The following MAK variants were observed in gnomAD, a reference collection of about 807,000 sequenced individuals.
The protein encoded by MAK is serine/threonine-protein kinase MAK.
A neutral mutation model predicts 82.6 loss-of-function variants in MAK; 65 were observed. The observed-to-expected ratio is 0.79, with a 90% CI of 0.64 to 0.97. MAK has a LOEUF of 0.97. MAK is among the 50% of genes least tolerant of loss of function. The pLI is 0.00. For synonymous variants in MAK, 250 were observed against 274.2 expected, an observed-to-expected ratio of 0.91 and a Z score of 0.87; for missense variants, 703 against 780.2, an observed-to-expected ratio of 0.90 and a Z score of 1.18.
intron 14 of MAK, among the ~76,000 whole-genome samples, chr6:10,766,252 T>C (rs1003135225): frequency 6.6e-6 from 1 of 152,234 alleles, no homozygotes; most frequent in Non-Finnish European, 1.5e-5. Flanking sequence ...GTTTGCACAG[T>C]TTTTCTTAAA....
intron 11 of MAK, among the ~76,000 whole-genome samples, chr6:10,777,022 T>C (rs1292543998): frequency 1.3e-5 from 2 of 150,588 alleles, no homozygotes; most frequent in Admixed American, 1.3e-4. Context: ...CACTCTAGCC[T>C]GGGCAACAGA....
intron 2 of MAK, among the ~76,000 whole-genome samples, chr6:10,826,873 A>T (rs1190352539): frequency 6.6e-6 from 1 of 152,154 alleles, no homozygotes; most frequent in Non-Finnish European, 1.5e-5. Flanking sequence ...GCACTTTGGG[A>T]GGCTGAGACT....
intron 1 of MAK, among the ~76,000 whole-genome samples, 172 bp from the exon 2 acceptor site, chr6:10,831,049 G>T (rs1208123790): frequency 6.6e-6 from 1 of 152,082 alleles, no homozygotes; most frequent in African/African-American, 2.4e-5. Flanking sequence ...TAACTCACTG[G>T]TAATACTCAC....
chr6:10,830,875 A>G lies in MAK; in HGVS notation c.-227T>C. On this transcript the variant is annotated splice_region_variant and 5_prime_UTR_variant, in exon 2 of 15. Coordinates refer to ENST00000354489, the MANE Select transcript of MAK (RefSeq NM_001242957.3). Reference sequence around the variant, plus strand: ...AAACAACACTTCCATTCTTATAAACACCCTAAAGAAAGAAAACAAGGATAT... The same window carrying G: ...AAACAACACTTCCATTCTTATAAACGCCCTAAAGAAAGAAAACAAGGATAT... The G allele has an allele frequency of 1.9e-6, 1 of 519,216 alleles. No individual in the cohort carries two copies. The highest frequency in any genetic ancestry group is 2.1e-5 in the South Asian group (1 of 46,886). The allele number at this position is 519,216 out of a possible 1,614,324, so 32.2% of individuals were successfully genotyped here. A position where few individuals can be genotyped will look rare whatever the true frequency, so the allele number is the denominator to read the frequency against.
At chr6:10,820,776 C>T (rs1777886498) in intron 2 of MAK, among the ~76,000 whole-genome samples, 2 of 152,108 alleles carry the variant, frequency 1.3e-5, no homozygotes, top group African/African-American at 2.4e-5. Context: ...AGATACTTTT[C>T]AGTGCCATAG....
At chr6:10,790,910 A>G (rs981563370) in intron 10 of MAK, among the ~76,000 whole-genome samples, 1 of 152,176 alleles carries the variant, frequency 6.6e-6, no homozygotes, top group African/African-American at 2.4e-5. Context: ...TTCATGCAAG[A>G]CTTGATCGTT....
Position 10,776,918 on chromosome 6 carries a change from C to G in MAK, c.1466-1459G>C, listed in dbSNP as rs1454998654. On this transcript the variant is annotated intron_variant, in intron 11 of 14. Coordinates refer to ENST00000354489, the MANE Select transcript of MAK (RefSeq NM_001242957.3). The surrounding 1 kb of genome is among the most constrained non-coding windows in gnomAD (Gnocchi z 4.3). ...TGGCCAACATAGTGAAACCCCATCT[C>G]TACTAAAAACACAAAAATTAGCCAG... Among the ~76,000 whole-genome samples the G allele has an allele frequency of 2.6e-5, 4 of 151,578 alleles. No homozygotes were observed. Among genetic ancestry groups the G allele is most frequent in the African/African-American group, 9.7e-5 (4 of 41,226 alleles).
At chr6:10,817,317 G>A (rs1301368978) in intron 4 of MAK, among the ~76,000 whole-genome samples, 1 of 152,120 alleles carries the variant, frequency 6.6e-6, no homozygotes, top group East Asian at 1.9e-4. Flanking sequence ...AGCCCAGGGC[G>A]GAAGACCAAA....
intron 10 of MAK, among the ~76,000 whole-genome samples, chr6:10,790,249 G>C (rs1472756311): frequency 6.6e-6 from 1 of 152,042 alleles, no homozygotes; most frequent in South Asian, 2.1e-4. Flanking sequence ...TTGCATAAGA[G>C]TTATCCAAGC....
intron 4 of MAK, among the ~76,000 whole-genome samples, chr6:10,814,719 G>C (rs962520759): frequency 4.6e-5 from 7 of 151,484 alleles, no homozygotes. Flanking sequence ...AAATGCTTCA[G>C]TTCTATTCTG....
At chr6:10,824,833 C>T (rs1778239971) in intron 2 of MAK, among the ~76,000 whole-genome samples, 1 of 152,216 alleles carries the variant, frequency 6.6e-6, no homozygotes, top group Non-Finnish European at 1.5e-5. Flanking sequence ...CACTATTCCA[C>T]TGGAACAGTG....
intron 11 of MAK, among the ~76,000 whole-genome samples, chr6:10,780,796 A>C (rs770114234): frequency 3.3e-5 from 5 of 152,204 alleles, no homozygotes; most frequent in African/African-American, 9.6e-5. Flanking sequence ...AGTGAAAACT[A>C]TCTCTCATGA....
chr6:10,821,673 G>T (rs1054396343), intron 2 of MAK, among the ~76,000 whole-genome samples: 6 of 152,270 alleles, frequency 3.9e-5, no homozygotes, highest in African/African-American at 1.4e-4. Flanking sequence ...CATTCTACCT[G>T]TAAAATCTGC....
intron 12 of MAK, among the ~76,000 whole-genome samples, chr6:10,773,501 C>CTACTCACT (rs1773194170): frequency 6.6e-6 from 1 of 152,120 alleles, no homozygotes; most frequent in Non-Finnish European, 1.5e-5. Flanking sequence ...TCTCACTAAA[C>CTACTCACT]TACTCACTTA....
At chr6:10,834,801 A>G (rs1779046880) in intron 1 of MAK, among the ~76,000 whole-genome samples, 1 of 151,986 alleles carries the variant, frequency 6.6e-6, no homozygotes, top group African/African-American at 2.4e-5. Flanking sequence ...TATTATTATT[A>G]TTGTTTGAGA....
intron 8 of MAK, 139 bp from the exon 9 acceptor site, chr6:10,796,448 C>T: frequency 1.5e-6 from 1 of 677,442 alleles, no homozygotes. Flanking sequence ...GCCATCATTC[C>T]CTATACAGTG....
Position 10,813,714 on chromosome 6 carries a change from C to G in MAK, c.288G>C (p.Leu96Phe). The G allele has an allele frequency of 6.3e-7, 1 of 1,586,760 alleles. No homozygotes were observed. Among genetic ancestry groups the G allele is most frequent in the Non-Finnish European group, 8.7e-7 (1 of 1,155,364 alleles). The change falls in exon 5 of 15, where the codon TTG (leucine) becomes TTC (phenylalanine). Residue 96 changes from leucine (L) to phenylalanine (F), a missense_variant. Leu to Phe is a conservative substitution (Grantham distance 22). Coordinates refer to ENST00000354489, the MANE Select transcript of MAK (RefSeq NM_001242957.3). Reference protein sequence around the residue: ...LYQLMKDRNKLFPESVIRNIM... With the variant: ...LYQLMKDRNKFFPESVIRNIM... ...TATTTCTGATGACTGATTCAGGGAA[C>G]AACTTGTTTCTGTAAAGAAATGAAC...
rs1220011219 is a variant in MAK, at chr6:10,770,214, A to G, written c.1689T>C (p.Tyr563=). The G allele has an allele frequency of 1.9e-6, 3 of 1,614,094 alleles. No homozygotes were observed. The highest frequency in any genetic ancestry group is 4.5e-5 in the East Asian group (2 of 44,878). Residue 563 remains tyrosine (Y), a synonymous_variant, in exon 14 of 15, where the codon TAT becomes TAC. Transcript: ENST00000354489. The part of the protein sequence containing the change: ...LEDPQGNLGS[Y]ATYNQSGYIP... ...TATATCCTGACTGATTGTAAGTAGC[A>G]TAACTTCCAAGATTTCCTAGTGACA...
chr6:10,778,354 A>G, intron 11 of MAK, among the ~76,000 whole-genome samples: 1 of 152,162 alleles, frequency 6.6e-6, no homozygotes. Flanking sequence ...AACAGAAGCA[A>G]CTCAGCCAGT....
Sources: gnomAD v4.1 joint callset for allele counts (sites outside exome capture counted in the v4.1 genomes callset) on GRCh38, gnomAD v4.1.1 for gene constraint, Gnocchi (gnomAD v3.1) non-coding constraint, MANE v1.5 for transcripts, NCBI Gene and HGNC (gene_info 2026-07-23, HGNC 2026-07-21) for gene names.